The following SULT6B1 variants were observed in gnomAD, a reference collection of about 807,000 sequenced individuals.
The protein encoded by SULT6B1 is sulfotransferase family 6B member 1, also known as sulfotransferase 6B1.
In SULT6B1, 44 loss-of-function variants were observed where a neutral mutation model predicts 37.2. The ratio of observed to expected loss-of-function variants is 1.18; its 90% CI spans 0.93 to 1.52. The LOEUF (loss-of-function observed/expected upper bound fraction) is 1.52. Among genes scored for constraint, SULT6B1 ranks in the 40% most tolerant of loss-of-function variants. The pLI is 0.00. For synonymous variants in SULT6B1, 140 were observed against 126.0 expected (o/e 1.11, Z -0.74); for missense variants, 450 against 361.0 (o/e 1.25, Z -2.00).
At chr2:37,179,084 G>A (rs764637185) in intron 4 of SULT6B1, among the ~76,000 whole-genome samples, 1 of 152,138 alleles carries the variant, frequency 6.6e-6, no homozygotes, top group African/African-American at 2.4e-5. Flanking sequence ...TCAGCTTCCC[G>A]AGTAGCTGGG....
In SULT6B1 at chr2:37,168,043, AT is replaced by A; in HGVS notation, c.803del (p.Asn268IlefsTer19). 1 of 1,595,248 alleles carries A rather than the reference AT, an allele frequency of 6.3e-7. No homozygotes were observed. The highest frequency in any genetic ancestry group is 8.5e-7 in the Non-Finnish European group (1 of 1,175,496). On this transcript the variant is annotated frameshift_variant, in exon 7 of 7. Transcript: ENST00000535679. LOFTEE classifies it high-confidence loss of function. ...FRKGEVGDWK[N>X]LFSEIQNQEM... The stretch of plus-strand genomic sequence containing the variant: ...CCTGGTTCTGAATTTCACTGAACAA[AT>A]TTTTCCAATCACCAACTTCACCTAC...
At chr2:37,185,588 C>G (rs2148297869) in intron 2 of SULT6B1, among the ~76,000 whole-genome samples, 1 of 151,848 alleles carries the variant, frequency 6.6e-6, no homozygotes, top group South Asian at 2.1e-4. Flanking sequence ...CATGATGGCG[C>G]ACACCTATAA....
At chr2:37,187,497 A>G in intron 1 of SULT6B1, 30 bp from the exon 2 acceptor site, 1 of 1,390,290 alleles carries the variant, frequency 7.2e-7, no homozygotes, top group Non-Finnish European at 1.0e-6. Context: ...ATAAAAACTC[A>G]TTACGGAGTC....
rs1676213593 is a variant in SULT6B1 at position 37,167,847 on chromosome 2, TTTGA to T, written c.*84_*87del. 4 of 1,140,482 alleles carry T rather than the reference TTTGA, an allele frequency of 3.5e-6. No homozygotes were observed. The highest frequency in any genetic ancestry group is 4.8e-6 in the Non-Finnish European group (4 of 837,606). The allele number at this position is 1,140,482 out of a possible 1,614,324, so 70.6% of individuals were successfully genotyped here. On this transcript the variant is annotated 3_prime_UTR_variant, in exon 7 of 7. Transcript: ENST00000535679. ...AGATTTCAATATTGTTTAATTATTA[TTTGA>T]TTATTTGATTGAATTATCATTTAAT...
At chr2:37,193,422 A>C (rs1443099163), upstream of SULT6B1, among the ~76,000 whole-genome samples, 1 of 151,988 alleles carries the variant, frequency 6.6e-6, no homozygotes, top group East Asian at 1.9e-4. Context: ...AGATCGTGCC[A>C]CTGCACTCCA....
At chr2:37,189,063 C>A (rs1430107156), upstream of SULT6B1, among the ~76,000 whole-genome samples, 1 of 152,092 alleles carries the variant, frequency 6.6e-6, no homozygotes, top group African/African-American at 2.4e-5. Flanking sequence ...TGAAAGGAAG[C>A]AATGGGATTG....
At chr2:37,186,815 G>C (rs1676684655) in intron 2 of SULT6B1, among the ~76,000 whole-genome samples, 1 of 152,142 alleles carries the variant, frequency 6.6e-6, no homozygotes, top group Non-Finnish European at 1.5e-5. Flanking sequence ...AGGATCGCTT[G>C]AGCCCAGGAG....
chr2:37,192,152 T>G (rs1009587301), upstream of SULT6B1, among the ~76,000 whole-genome samples: 1 of 152,232 alleles, frequency 6.6e-6, no homozygotes, highest in African/African-American at 2.4e-5. Flanking sequence ...CTAAAACATT[T>G]TATTTAATAA....
At chr2:37,178,173 T>C (rs1427021803) in intron 4 of SULT6B1, among the ~76,000 whole-genome samples, 1 of 152,152 alleles carries the variant, frequency 6.6e-6, no homozygotes, top group Non-Finnish European at 1.5e-5. Context: ...GCCTCCCAAG[T>C]AGCTGAGATT....
In SULT6B1 at chr2:37,175,147, A is replaced by G. The variant is rs559550097; in HGVS notation, c.609T>C (p.Tyr203=). Residue 203 remains tyrosine (Y), a synonymous_variant, in exon 5 of 7, where the codon TAT becomes TAC. Transcript: ENST00000535679. The stretch of plus-strand genomic sequence containing the variant: ...ATAATCTCACCTCTTTCAGGTCTTC[A>G]TATAATATGAACTTAACATTGTCGC... ...LDGDNVKFIL[Y]EDLKENLAAG... is the part of the protein sequence containing the mutation. 2.5e-5 allele frequency: 39 copies of G among 1,545,758 alleles called. No homozygotes were observed. The highest frequency in any genetic ancestry group is 1.6e-4 in the South Asian group (13 of 79,352).
At chr2:37,177,334 C>T (rs905790367) in intron 4 of SULT6B1, among the ~76,000 whole-genome samples, 4 of 142,966 alleles carry the variant, frequency 2.8e-5, no homozygotes, top group Admixed American at 7.5e-5. Flanking sequence ...CTGAGGACCA[C>T]GTGAGCCCAG....
chr2:37,176,546 C>CA (rs1676434079), intron 4 of SULT6B1, among the ~76,000 whole-genome samples: 1 of 152,074 alleles, frequency 6.6e-6, no homozygotes. Flanking sequence ...AGGTGTGAGC[C>CA]ACCCCGCTCG....
intron 1 of SULT6B1, chr2:37,194,743 T>G: frequency 5.8e-6 from 1 of 173,266 alleles, no homozygotes; most frequent in Non-Finnish European, 1.2e-5. Context: ...GCCATTCTGC[T>G]AGGCCCAAGT....
intron 3 of SULT6B1, among the ~76,000 whole-genome samples, chr2:37,181,232 G>A (rs1392276204): frequency 6.6e-6 from 1 of 152,128 alleles, no homozygotes; most frequent in Non-Finnish European, 1.5e-5. Flanking sequence ...CCATTTGAGG[G>A]CTTTATATTT....
intron 4 of SULT6B1, among the ~76,000 whole-genome samples, chr2:37,176,370 C>T (rs1228609044): frequency 7.0e-6 from 1 of 141,974 alleles, no homozygotes; most frequent in Admixed American, 7.8e-5. Flanking sequence ...TCAAGCAATT[C>T]TGTCTCAGTC....
At chr2:37,177,655 A>G (rs1479535759) in intron 4 of SULT6B1, among the ~76,000 whole-genome samples, 4 of 152,168 alleles carry the variant, frequency 2.6e-5, no homozygotes, top group South Asian at 2.1e-4. Context: ...ATGACAGTTA[A>G]TGATGACAGT....
At chr2:37,178,316 C>T (rs2148290801) in intron 4 of SULT6B1, among the ~76,000 whole-genome samples, 1 of 152,228 alleles carries the variant, frequency 6.6e-6, no homozygotes, top group East Asian at 1.9e-4. Flanking sequence ...CGGCTCACTG[C>T]AACTTCCGCC....
intron 2 of SULT6B1, among the ~76,000 whole-genome samples, chr2:37,186,120 T>C (rs1381130663): frequency 1.3e-5 from 2 of 152,208 alleles, no homozygotes; most frequent in Non-Finnish European, 2.9e-5. Flanking sequence ...CTTTCAAGTT[T>C]GTATTTGTCA....
chr2:37,193,173 C>A (rs746520380), upstream of SULT6B1, among the ~76,000 whole-genome samples: 5 of 151,896 alleles, frequency 3.3e-5, no homozygotes, highest in East Asian at 9.7e-4. Context: ...AGTTTCTTTC[C>A]GCCTGGGTGT....
Sources: allele counts gnomAD v4.1 joint callset (sites outside exome capture counted in the v4.1 genomes callset), GRCh38; gene constraint gnomAD v4.1.1; transcripts MANE v1.5; gene names NCBI Gene and HGNC (gene_info 2026-07-23, HGNC 2026-07-21).